LARP1: variants seen among roughly 807,000 people sequenced by gnomAD.
LARP1 encodes la-related protein 1.
A neutral mutation model predicts 122.7 loss-of-function variants in LARP1; 36 were observed. The observed-to-expected ratio is 0.29, with a 90% CI of 0.22 to 0.39. LARP1 has a LOEUF of 0.39. Ranked by LOEUF, LARP1 falls within the 10% of genes least tolerant of loss-of-function variation. The probability of loss-of-function intolerance (pLI) is 1.00; values close to 1 mark genes in which losing one functional copy is unlikely to be tolerated. For missense variants in LARP1, 1,040 were observed against 1,403.6 expected, an observed-to-expected ratio of 0.74 and a Z score of 4.14; for synonymous variants, 539 against 528.7, an observed-to-expected ratio of 1.02 and a Z score of -0.27.
intron 1 of LARP1, among the ~76,000 whole-genome samples, chr5:154,695,918 T>A (rs936996508): frequency 1.3e-5 from 2 of 152,126 alleles, no homozygotes; most frequent in African/African-American, 2.4e-5. Context: ...ATCACCTCCA[T>A]ACACGGAATC....
At chr5:154,768,459 C>T (rs1755129414) in intron 1 of LARP1, among the ~76,000 whole-genome samples, 1 of 152,180 alleles carries the variant, frequency 6.6e-6, no homozygotes, top group Non-Finnish European at 1.5e-5. Flanking sequence ...ACACTTTAAT[C>T]ATCTGTATTT....
At chr5:154,795,767 CT>C (rs1397764040) in intron 8 of LARP1, among the ~76,000 whole-genome samples, 3 of 145,156 alleles carry the variant, frequency 2.1e-5, no homozygotes, top group African/African-American at 5.1e-5. Context: ...TTAACAGTTC[CT>C]TAATATCATC....
chr5:154,813,850 T>A, intron 18 of LARP1, 37 bp from the exon 19 acceptor site: 1 of 1,579,130 alleles, frequency 6.3e-7, no homozygotes, highest in Non-Finnish European at 8.7e-7. Context: ...GCGTAGATAG[T>A]GCTTCTGATC....
intron 1 of LARP1, among the ~76,000 whole-genome samples, chr5:154,695,207 C>G (rs889827035): frequency 6.6e-6 from 1 of 151,486 alleles, no homozygotes; most frequent in African/African-American, 2.4e-5. Flanking sequence ...CCCAGCTACT[C>G]GGGAGGCTGA....
intron 10 of LARP1, among the ~76,000 whole-genome samples, chr5:154,800,454 G>A (rs1758257878): frequency 6.6e-6 from 1 of 152,168 alleles, no homozygotes; most frequent in Non-Finnish European, 1.5e-5. Context: ...AGAAGGAAGG[G>A]AGAGGGAGCA....
At chr5:154,745,189 G>A (rs1012176707) in intron 1 of LARP1, among the ~76,000 whole-genome samples, 1 of 152,170 alleles carries the variant, frequency 6.6e-6, no homozygotes. Context: ...GCCTCCCAAA[G>A]TGCTGGGATT....
chr5:154,738,224 T>C (rs1757023619), intron 1 of LARP1, among the ~76,000 whole-genome samples: 1 of 152,202 alleles, frequency 6.6e-6, no homozygotes, highest in African/African-American at 2.4e-5. Context: ...AATATCACCT[T>C]ATTGTAGAGC....
intron 1 of LARP1, among the ~76,000 whole-genome samples, chr5:154,705,951 A>G (rs1754926884): frequency 6.6e-6 from 1 of 152,216 alleles, no homozygotes; most frequent in African/African-American, 2.4e-5. Flanking sequence ...ACAATAGCAA[A>G]GACGTGGAAT....
At chr5:154,759,683 C>T (rs985577689) in intron 1 of LARP1, among the ~76,000 whole-genome samples, 2 of 152,104 alleles carry the variant, frequency 1.3e-5, no homozygotes, top group African/African-American at 2.4e-5. Flanking sequence ...TAGTCCCCAA[C>T]TTATGATGGT....
At chr5:154,736,536 TTTTATTTA>T (rs56109800) in intron 1 of LARP1, among the ~76,000 whole-genome samples, 12,112 of 133,106 alleles carry the variant, frequency 0.091, 581 homozygotes, top group Admixed American at 0.14. Flanking sequence ...CCTGGCCTAT[TTTTATTTA>T]TTTATTTATT....
chr5:154,799,855 C>A lies in LARP1; in HGVS notation c.1547-18C>A, dbSNP rs1383952543. 1 of 1,612,190 alleles carries A rather than the reference C, an allele frequency of 6.2e-7. No individual in the cohort carries two copies. The highest frequency in any genetic ancestry group is 8.5e-7 in the Non-Finnish European group (1 of 1,178,664). On this transcript the variant is annotated intron_variant, in intron 9 of 18. Coordinates refer to ENST00000518297, the MANE Select transcript of LARP1 (RefSeq NM_033551.3). ...AGGAGGACTGGAGGGATGAGGACTT[C>A]CCCTTTCCACCCTTTAGAGTCGGCA...
chr5:154,794,412 G>A (rs189872726), intron 7 of LARP1, 150 bp downstream of exon 7: 1 of 703,738 alleles, frequency 1.4e-6, no homozygotes, highest in African/African-American at 1.8e-5. Flanking sequence ...TATTAAAGAA[G>A]TGATACCACA....
At chr5:154,790,200 T>C in intron 1 of LARP1, 125 bp from the exon 2 acceptor site, 1 of 708,414 alleles carries the variant, frequency 1.4e-6, no homozygotes, top group Non-Finnish European at 2.4e-6. Context: ...CTCTCTACTG[T>C]GTCTTTCTCC....
intron 1 of LARP1, among the ~76,000 whole-genome samples, chr5:154,744,669 G>A (rs1753088430): frequency 1.2e-5 from 1 of 81,256 alleles, no homozygotes; most frequent in African/African-American, 6.3e-5. Flanking sequence ...ACGGAGTCTC[G>A]CTCTGTCGCC....
At chr5:154,761,591 C>T (rs1214750137) in intron 1 of LARP1, among the ~76,000 whole-genome samples, 1 of 152,134 alleles carries the variant, frequency 6.6e-6, no homozygotes, top group African/African-American at 2.4e-5. Flanking sequence ...GTGTTGGGGC[C>T]ACTGGAGGTT....
At position 154,769,072 on chromosome 5, in the gene LARP1, C is replaced by G. The variant is rs896147887; in HGVS notation, c.436+12879C>G. ...CAGGCTGGTCTTGAACTCCTGACCT[C>G]AGGTGATTCGCCCACCTCGGCCTCT... On this transcript the variant is annotated intron_variant, in intron 1 of 18. Coordinates refer to ENST00000518297, the MANE Select transcript of LARP1 (RefSeq NM_033551.3). 5.3e-5 allele frequency among the ~76,000 whole-genome samples: 8 copies of G among 152,314 alleles called. No individual in the cohort carries two copies. In the East Asian group the frequency reaches 1.2e-3, roughly 22 times the overall value.
At chr5:154,774,130 T>C (rs931567455) in intron 1 of LARP1, among the ~76,000 whole-genome samples, 1 of 152,000 alleles carries the variant, frequency 6.6e-6, no homozygotes, top group East Asian at 1.9e-4. Context: ...TTCTTAGATA[T>C]GCCATTGGCT....
At chr5:154,751,162 C>T (rs1370749749), upstream of LARP1, among the ~76,000 whole-genome samples, 2 of 152,016 alleles carry the variant, frequency 1.3e-5, no homozygotes, top group Admixed American at 6.6e-5. Context: ...ATGGATATGG[C>T]AATGGAGGGA....
rs374889905 is a variant in LARP1, at chr5:154,756,119, C to A, written c.362C>A (p.Pro121Gln). 2 of 1,249,594 alleles carry A rather than the reference C, an allele frequency of 1.6e-6. No individual in the cohort carries two copies. Among genetic ancestry groups the A allele is most frequent in the Admixed American group, 2.9e-5 (1 of 34,986 alleles). The allele number at this position is 1,249,594 out of a possible 1,614,324, so 77.4% of individuals were successfully genotyped here. A position where few individuals can be genotyped will look rare whatever the true frequency, so the allele number is the denominator to read the frequency against. Reference sequence around the variant, plus strand: ...CGCCGGGACTTCGTGGAAGCCCCCCCGCCCAAGGTGAACCCGTGGACTAAG... The same window carrying A: ...CGCCGGGACTTCGTGGAAGCCCCCCAGCCCAAGGTGAACCCGTGGACTAAG... Reference protein sequence around the residue: ...AGRRDFVEAPPPKVNPWTKNA... With the variant: ...AGRRDFVEAPQPKVNPWTKNA... Residue 121 changes from proline to glutamine, a missense_variant, in exon 1 of 19, where the codon CCG (proline) becomes CAG (glutamine). Pro to Gln is a moderately conservative substitution (Grantham distance 76). Coordinates refer to ENST00000518297, the MANE Select transcript of LARP1 (RefSeq NM_033551.3).
Sources: allele counts gnomAD v4.1 joint callset (sites outside exome capture counted in the v4.1 genomes callset), GRCh38; gene constraint gnomAD v4.1.1; transcripts MANE v1.5; gene names NCBI Gene and HGNC (gene_info 2026-07-23, HGNC 2026-07-21).